The following ZNF385D variants were observed in gnomAD, a reference collection of about 807,000 sequenced individuals.
ZNF385D encodes the protein zinc finger protein 385D.
A neutral mutation model predicts 35.8 loss-of-function variants in ZNF385D; 15 were observed. That is an observed-to-expected ratio of 0.42 (90% CI 0.28 to 0.64). ZNF385D has a LOEUF of 0.64. ZNF385D is among the 30% of genes least tolerant of loss of function. The pLI, the probability that ZNF385D is intolerant of heterozygous loss-of-function variation, is 0.23. For synonymous variants in ZNF385D, 212 were observed against 186.8 expected (o/e 1.13, Z -1.10); for missense variants, 474 against 494.6 (o/e 0.96, Z 0.39).
intron 4 of ZNF385D, among the ~76,000 whole-genome samples, chr3:21,460,603 C>A (rs17201327): frequency 2.0e-5 from 3 of 151,904 alleles, no homozygotes; most frequent in Admixed American, 6.6e-5. Flanking sequence ...AATGGGTTCT[C>A]TAATGAACAC....
At chr3:21,995,777 G>C (rs992545029) in intron 3 of ZNF385D, among the ~76,000 whole-genome samples, 1 of 151,962 alleles carries the variant, frequency 6.6e-6, no homozygotes, top group Admixed American at 6.6e-5. Context: ...CACATTCAGG[G>C]GCAAGGAGCC....
intron 3 of ZNF385D, chr3:22,134,280 T>G (rs1226518949): frequency 2.0e-5 from 3 of 151,990 alleles, no homozygotes; most frequent in African/African-American, 7.2e-5. Flanking sequence ...TTAAACAAAA[T>G]GTAATTCAGA....
At chr3:22,299,053 G>A (rs1032675664) in intron 2 of ZNF385D, among the ~76,000 whole-genome samples, 3 of 151,814 alleles carry the variant, frequency 2.0e-5, no homozygotes, top group African/African-American at 4.8e-5. Flanking sequence ...TTCAAATTTT[G>A]TGAGCTTGTG....
At chr3:22,290,337 A>G (rs1702236706) in intron 2 of ZNF385D, among the ~76,000 whole-genome samples, 1 of 152,168 alleles carries the variant, frequency 6.6e-6, no homozygotes, top group Non-Finnish European at 1.5e-5. Context: ...AAGCCTCCCA[A>G]GGAGCTAATT....
intron 1 of ZNF385D, among the ~76,000 whole-genome samples, chr3:21,719,727 A>G (rs2068463106): frequency 6.6e-6 from 1 of 151,992 alleles, no homozygotes; most frequent in Non-Finnish European, 1.5e-5. Context: ...AAGCAGCCCG[A>G]CTGGAACTCT....
At chr3:21,836,898 T>C (rs1695361947) in intron 3 of ZNF385D, among the ~76,000 whole-genome samples, 1 of 152,150 alleles carries the variant, frequency 6.6e-6, no homozygotes, top group South Asian at 2.1e-4. Context: ...GAATAATCAT[T>C]TGGCTTATTC....
chr3:21,946,330 A>G (rs1322275101), intron 3 of ZNF385D, among the ~76,000 whole-genome samples: 4 of 152,150 alleles, frequency 2.6e-5, no homozygotes, highest in Non-Finnish European at 4.4e-5. Context: ...TATATATTCA[A>G]TGCTGTATAT....
At chr3:22,369,376 TG>T (rs1696798385) in intron 2 of ZNF385D, among the ~76,000 whole-genome samples, 1 of 152,220 alleles carries the variant, frequency 6.6e-6, no homozygotes, top group Admixed American at 6.5e-5. Flanking sequence ...TGAAACATTT[TG>T]CAGTTTGACG....
intron 1 of ZNF385D, among the ~76,000 whole-genome samples, chr3:21,721,833 C>T (rs1446277086): frequency 6.6e-6 from 1 of 152,280 alleles, no homozygotes; most frequent in East Asian, 1.9e-4. Flanking sequence ...GGCGCGGTGG[C>T]TCACGCCTGT....
chr3:22,293,997 A>G (rs1430726322), intron 2 of ZNF385D, among the ~76,000 whole-genome samples: 4 of 150,544 alleles, frequency 2.7e-5, no homozygotes. Context: ...AGGCATGGTA[A>G]TTCTATCTTG....
intron 4 of ZNF385D, among the ~76,000 whole-genome samples, chr3:21,443,858 A>G (rs1042047941): frequency 1.3e-5 from 2 of 152,188 alleles, no homozygotes; most frequent in African/African-American, 4.8e-5. Context: ...TTACAAAACA[A>G]AAATATTGAA....
intron 2 of ZNF385D, among the ~76,000 whole-genome samples, chr3:22,291,183 A>G (rs1366057545): frequency 2.0e-5 from 3 of 152,100 alleles, no homozygotes; most frequent in Admixed American, 2.0e-4. Context: ...GTTGGTTGTT[A>G]CTTTCTGATT....
intron 3 of ZNF385D, among the ~76,000 whole-genome samples, chr3:21,959,317 T>C (rs1323668387): frequency 1.3e-5 from 2 of 152,134 alleles, no homozygotes; most frequent in African/African-American, 4.8e-5. Context: ...CAAATGAAGA[T>C]GCTGAATGCA....
At chr3:21,756,890 A>G (rs1048140491) in intron 3 of ZNF385D, among the ~76,000 whole-genome samples, 1 of 152,152 alleles carries the variant, frequency 6.6e-6, no homozygotes, top group Non-Finnish European at 1.5e-5. Flanking sequence ...TAGTGTTTTA[A>G]TCAGAATTTT....
At chr3:22,060,511 A>T (rs2125540462) in intron 3 of ZNF385D, among the ~76,000 whole-genome samples, 1 of 152,304 alleles carries the variant, frequency 6.6e-6, no homozygotes, top group East Asian at 1.9e-4. Context: ...TTACTTTGTC[A>T]ATAAGTTTTC....
At chr3:22,123,057 A>G (rs950864226) in intron 3 of ZNF385D, among the ~76,000 whole-genome samples, 12 of 152,186 alleles carry the variant, frequency 7.9e-5, no homozygotes, top group African/African-American at 2.7e-4. Flanking sequence ...TCCTTTGAGC[A>G]AAAGAAGAAT....
At chr3:22,148,174 A>G (rs2125714762) in intron 3 of ZNF385D, among the ~76,000 whole-genome samples, 1 of 152,270 alleles carries the variant, frequency 6.6e-6, no homozygotes, top group Middle Eastern at 3.4e-3. Context: ...CAGAATTAGA[A>G]TTTGTGCTTT....
At chr3:21,675,570 G>T (rs1430750656) in intron 1 of ZNF385D, among the ~76,000 whole-genome samples, 1 of 152,040 alleles carries the variant, frequency 6.6e-6, no homozygotes, top group African/African-American at 2.4e-5. Flanking sequence ...TTCAGAGATT[G>T]CCCTTTTTTG....
intron 2 of ZNF385D, among the ~76,000 whole-genome samples, chr3:22,334,093 G>A (rs929247942): frequency 3.3e-5 from 5 of 152,140 alleles, no homozygotes; most frequent in African/African-American, 7.2e-5. Flanking sequence ...CATATTTAAT[G>A]CATGTCTCTT....
Sources: allele counts gnomAD v4.1 joint callset (sites outside exome capture counted in the v4.1 genomes callset), GRCh38; gene constraint gnomAD v4.1.1; transcripts MANE v1.5; gene names NCBI Gene and HGNC (gene_info 2026-07-23, HGNC 2026-07-21).